The following COL21A1 variants were observed in gnomAD, a reference collection of about 807,000 sequenced individuals.
The protein encoded by COL21A1 is collagen alpha-1(XXI) chain.
In COL21A1, 149 loss-of-function variants were observed where a neutral mutation model predicts 137.9. That is an observed-to-expected ratio of 1.08 (90% CI 0.95 to 1.24). COL21A1 has a LOEUF of 1.24. COL21A1 is among the 50% of genes most tolerant of loss of function. The pLI is 0.00. For synonymous variants in COL21A1, 456 were observed against 391.5 expected (o/e 1.16, Z -1.95); for missense variants, 1,167 against 1,158.4 (o/e 1.01, Z -0.11).
rs1441409572 is a variant in COL21A1, at chr6:56,098,676, T to A, written c.1812+2796A>T. Among the ~76,000 whole-genome samples, 236 of 64,470 alleles carry A rather than the reference T, an allele frequency of 3.7e-3. 35 individuals carry two copies. The highest frequency in any genetic ancestry group is 0.014 in the African/African-American group (224 of 15,834). 42.3% of individuals were successfully genotyped at this position (64,470 alleles called of 152,430 possible). On this transcript the variant is annotated intron_variant, in intron 17 of 29. Transcript: ENST00000244728. ...ATATAAATATATATAAATATATATA[T>A]AAATATATATAAATATATAAATATA...
At chr6:56,343,616 T>C (rs1218880295) in intron 1 of COL21A1, among the ~76,000 whole-genome samples, 1 of 152,212 alleles carries the variant, frequency 6.6e-6, no homozygotes, top group Admixed American at 6.5e-5. Flanking sequence ...TGCCTCTTTC[T>C]GATTTAGAAG....
At chr6:56,111,183 T>C (rs1771403880) in intron 16 of COL21A1, among the ~76,000 whole-genome samples, 1 of 149,394 alleles carries the variant, frequency 6.7e-6, no homozygotes, top group Admixed American at 6.6e-5. Context: ...CTGAATCTAA[T>C]CATGAGGAAA....
intron 1 of COL21A1, among the ~76,000 whole-genome samples, chr6:56,253,977 A>G (rs1782915178): frequency 6.6e-6 from 1 of 152,246 alleles, no homozygotes. Flanking sequence ...GATGAAAAAA[A>G]TCACAAATAT....
intron 1 of COL21A1, among the ~76,000 whole-genome samples, chr6:56,239,807 G>A (rs115177299): frequency 2.6e-4 from 39 of 152,200 alleles, no homozygotes; most frequent in African/African-American, 8.7e-4. Flanking sequence ...TGTATTAAGC[G>A]GTGAGGCCTT....
At chr6:56,206,699 T>TAA (rs1332278144) in intron 1 of COL21A1, among the ~76,000 whole-genome samples, 10 of 11,822 alleles carry the variant, frequency 8.5e-4, no homozygotes, top group South Asian at 4.2e-3. Flanking sequence ...AATAAATAAA[T>TAA]ATATATATAT....
At chr6:56,174,251 C>T (rs1266190579) in intron 3 of COL21A1, among the ~76,000 whole-genome samples, 1 of 151,632 alleles carries the variant, frequency 6.6e-6, no homozygotes, top group Non-Finnish European at 1.5e-5. Flanking sequence ...ATCAAATAAA[C>T]AACTTTATAC....
chr6:56,196,462 A>G (rs540413139), intron 1 of COL21A1, among the ~76,000 whole-genome samples: 17 of 152,204 alleles, frequency 1.1e-4, no homozygotes, highest in Admixed American at 7.2e-4. Flanking sequence ...CTTATTACAG[A>G]AGACCATAAA....
chr6:56,305,235 G>A (rs1244557708), intron 1 of COL21A1, among the ~76,000 whole-genome samples: 1 of 152,284 alleles, frequency 6.6e-6, no homozygotes, highest in African/African-American at 2.4e-5. Context: ...GAGTTCTGTA[G>A]ATGTCTATTA....
chr6:56,269,073 A>G (rs1763461465), intron 1 of COL21A1, among the ~76,000 whole-genome samples: 1 of 152,198 alleles, frequency 6.6e-6, no homozygotes, highest in Non-Finnish European at 1.5e-5. Flanking sequence ...TAAATCAAAA[A>G]CTTCTAAAAT....
rs1009484804 is a variant in COL21A1, at chr6:56,142,607, A to C, written c.1435-624T>G. Among the ~76,000 whole-genome samples the C allele has an allele frequency of 9.8e-5, 15 of 152,314 alleles. No individual in the cohort carries two copies. The South Asian group carries it at 3.1e-3, about 32-fold the overall frequency. On this transcript the variant is annotated intron_variant, in intron 10 of 29. Transcript: ENST00000244728. ...TCAAAAACTGGAACTTTGATAAAAT[A>C]GCACAATTTTTTTAGACAGAGTTGA...
At chr6:56,086,742 T>C (rs1379405538) in intron 17 of COL21A1, among the ~76,000 whole-genome samples, 3 of 152,150 alleles carry the variant, frequency 2.0e-5, no homozygotes, top group Non-Finnish European at 4.4e-5. Flanking sequence ...TTTTTTGCTT[T>C]TCATTTATCT....
chr6:56,329,164 C>T (rs1052500672), intron 1 of COL21A1, among the ~76,000 whole-genome samples: 1 of 152,126 alleles, frequency 6.6e-6, no homozygotes, highest in South Asian at 2.1e-4. Flanking sequence ...TCAAAAATTA[C>T]AGCTAGTATC....
At chr6:56,292,249 A>C (rs1200825688) in intron 1 of COL21A1, among the ~76,000 whole-genome samples, 1 of 152,176 alleles carries the variant, frequency 6.6e-6, no homozygotes, top group Non-Finnish European at 1.5e-5. Context: ...CTCTAAAGTT[A>C]GATATTTTCT....
At chr6:56,301,357 G>A (rs1337792452) in intron 1 of COL21A1, among the ~76,000 whole-genome samples, 1 of 152,154 alleles carries the variant, frequency 6.6e-6, no homozygotes, top group Non-Finnish European at 1.5e-5. Flanking sequence ...AGGAATGCAG[G>A]CATTCTCTAG....
intron 1 of COL21A1, among the ~76,000 whole-genome samples, chr6:56,262,492 A>G (rs1485026483): frequency 1.3e-5 from 2 of 152,190 alleles, no homozygotes; most frequent in Non-Finnish European, 2.9e-5. Flanking sequence ...AAAGTGGACA[A>G]TCCCCAGGAA....
intron 16 of COL21A1, among the ~76,000 whole-genome samples, chr6:56,114,728 C>T (rs543814418): frequency 7.0e-6 from 1 of 143,268 alleles, no homozygotes; most frequent in East Asian, 2.0e-4. Flanking sequence ...GTTGGTGGGA[C>T]TGTAAACTAG....
chr6:56,303,904 C>T lies in COL21A1; in HGVS notation c.-39+90067G>A, dbSNP rs556552877. ...AGCTCTTATGATTTTGAGATATGTC[C>T]CATCAATACCTAATTTATTGAGAGT... is the stretch of plus-strand genomic sequence containing the variant. On this transcript the variant is annotated intron_variant, in intron 1 of 28. Coordinates refer to the COL21A1 transcript ENST00000370819. 1.2e-4 allele frequency among the ~76,000 whole-genome samples: 18 copies of T among 152,200 alleles called. No homozygotes were observed. In the South Asian group the frequency reaches 3.5e-3, roughly 30 times the overall value.
At chr6:56,239,925 A>G (rs995212919) in intron 1 of COL21A1, among the ~76,000 whole-genome samples, 2 of 152,158 alleles carry the variant, frequency 1.3e-5, no homozygotes, top group Non-Finnish European at 2.9e-5. Flanking sequence ...AGCTCCCATA[A>G]TTCCAATGTG....
chr6:56,090,636 AAG>A (rs1562177864), intron 17 of COL21A1, among the ~76,000 whole-genome samples: 2 of 152,144 alleles, frequency 1.3e-5, no homozygotes, highest in African/African-American at 2.4e-5. Context: ...AATGCATTAT[AAG>A]AGTTATTCTC....
Sources: gnomAD v4.1 joint callset for allele counts (sites outside exome capture counted in the v4.1 genomes callset) on GRCh38, gnomAD v4.1.1 for gene constraint, MANE v1.5 for transcripts, NCBI Gene and HGNC (gene_info 2026-07-23, HGNC 2026-07-21) for gene names.